The following SHOC1 variants were observed in gnomAD, a reference collection of about 807,000 sequenced individuals.
SHOC1 encodes protein shortage in chiasmata 1 ortholog.
Under a neutral mutation model 179.2 loss-of-function variants are expected in SHOC1, and 136 were observed. The ratio of observed to expected loss-of-function variants is 0.76; its 90% CI spans 0.66 to 0.87. The LOEUF is 0.87. SHOC1 is among the 40% of genes least tolerant of loss of function. The probability of loss-of-function intolerance (pLI) is 0.00; values close to 1 mark genes in which losing one functional copy is unlikely to be tolerated. For missense variants in SHOC1, 1,538 were observed against 1,700.8 expected, an observed-to-expected ratio of 0.90 and a Z score of 1.68; for synonymous variants, 489 against 586.6, an observed-to-expected ratio of 0.83 and a Z score of 2.41.
intron 3 of SHOC1, among the ~76,000 whole-genome samples, chr9:111,785,637 TAAAAC>T (rs1203822988): frequency 6.6e-6 from 1 of 152,228 alleles, no homozygotes; most frequent in Non-Finnish European, 1.5e-5. Context: ...TCTATTATAA[TAAAAC>T]AAATGTTTAC....
intron 10 of SHOC1, 59 bp downstream of exon 10, chr9:111,746,175 T>A: frequency 8.5e-7 from 1 of 1,179,204 alleles, no homozygotes; most frequent in Non-Finnish European, 1.2e-6. Context: ...TGGAGAGATT[T>A]AAATAAAGAC....
Position 111,738,389 on chromosome 9 carries a change from T to G in SHOC1, c.1308A>C (p.Lys436Asn), listed in dbSNP as rs536755031. 7.4e-6 allele frequency: 12 copies of G among 1,613,442 alleles called. No individual in the cohort carries two copies. In the South Asian group the frequency reaches 1.3e-4, roughly 18 times the overall value. The part of the protein sequence containing the change: ...EWWKQAGLNL[K>N]MMETLEHLNT... ...TCAGATGTTCCAATGTTTCCATCAT[T>G]TTCAGATTTAGTCCTGCTTGTTTCC... The change falls in exon 12 of 28, where the codon AAA (lysine) becomes AAC (asparagine). Residue 436 changes from lysine to asparagine, a missense_variant. By Grantham distance (94) the Lys-to-Asn change is moderately conservative. Coordinates refer to ENST00000682961, the MANE Select transcript of SHOC1 (RefSeq NM_001378211.1).
intron 5 of SHOC1, among the ~76,000 whole-genome samples, chr9:111,763,884 G>A (rs1835245841): frequency 6.6e-6 from 1 of 152,016 alleles, no homozygotes; most frequent in African/African-American, 2.4e-5. Context: ...GAGAGTTTCA[G>A]GATCAAGTTC....
In SHOC1 at chr9:111,706,720, T is replaced by C. The variant is rs144499116; in HGVS notation, c.2585A>G (p.Asn862Ser). 3.0e-4 allele frequency: 479 copies of C among 1,604,598 alleles called. No homozygotes were observed. The highest frequency in any genetic ancestry group is 3.9e-4 in the Non-Finnish European group (455 of 1,175,574). Residue 862 changes from asparagine (N) to serine (S), a missense_variant, in exon 20 of 28, where the codon AAT (asparagine) becomes AGT (serine). Coordinates refer to ENST00000682961, the MANE Select transcript of SHOC1 (RefSeq NM_001378211.1). ...RGTSSCVVVH[N>S]QYIGADFPWS... ...GGGGAAATCTGCTCCAATATATTGATTATGTACAACTACACAGGAACTTGT... is the reference window on the plus strand; with the variant it reads ...GGGGAAATCTGCTCCAATATATTGACTATGTACAACTACACAGGAACTTGT...
rs368101620 is a variant in SHOC1, at chr9:111,705,239, T to C, written c.2855+8A>G. 7.1e-7 allele frequency: 1 copy of C among 1,406,434 alleles called. No homozygotes were observed. Among genetic ancestry groups the C allele is most frequent in the Non-Finnish European group, 9.8e-7 (1 of 1,020,718 alleles). The allele number at this position is 1,406,434 out of a possible 1,614,324, so 87.1% of individuals were successfully genotyped here. On this transcript the variant is annotated splice_region_variant and intron_variant, in intron 21 of 27. Coordinates refer to ENST00000682961, the MANE Select transcript of SHOC1 (RefSeq NM_001378211.1). Reference sequence around the variant, plus strand: ...ACTTTTGTTAAAATTGTGAAATCAATAACTTACTTGGATTCTAGCAGCTGA... The same window carrying C: ...ACTTTTGTTAAAATTGTGAAATCAACAACTTACTTGGATTCTAGCAGCTGA...
At chr9:111,787,649 C>T (rs769621842) in intron 2 of SHOC1, among the ~76,000 whole-genome samples, 8 of 152,204 alleles carry the variant, frequency 5.3e-5, no homozygotes, top group Non-Finnish European at 8.8e-5. Flanking sequence ...GGTGAAGACA[C>T]TGTAAACATT....
intron 3 of SHOC1, among the ~76,000 whole-genome samples, chr9:111,785,275 A>G (rs73545413): frequency 0.035 from 5,262 of 152,248 alleles, 318 homozygotes; most frequent in African/African-American, 0.12. Context: ...GCAATTTCAT[A>G]TCACTTAGCA....
chr9:111,728,591 A>C (rs1833418144), intron 12 of SHOC1, among the ~76,000 whole-genome samples: 1 of 152,236 alleles, frequency 6.6e-6, no homozygotes, highest in South Asian at 2.1e-4. Context: ...AAAAGGCCAC[A>C]TATTGTATGA....
At chr9:111,695,404 T>C (rs1307296787) in intron 24 of SHOC1, among the ~76,000 whole-genome samples, 1 of 152,142 alleles carries the variant, frequency 6.6e-6, no homozygotes, top group African/African-American at 2.4e-5. Context: ...TACACAGAAA[T>C]ATATTGTTCA....
chr9:111,701,635 A>G (rs1831974381), intron 23 of SHOC1, among the ~76,000 whole-genome samples: 1 of 152,152 alleles, frequency 6.6e-6, no homozygotes. Context: ...ATTCTTCAAA[A>G]TGAAGGTTTT....
intron 5 of SHOC1, among the ~76,000 whole-genome samples, chr9:111,773,249 C>T (rs1268399259): frequency 3.3e-5 from 5 of 152,246 alleles, no homozygotes; most frequent in Admixed American, 2.6e-4. Context: ...TTATTGTAAA[C>T]TTTAACAAAC....
At chr9:111,785,579 C>A (rs952913134) in intron 3 of SHOC1, among the ~76,000 whole-genome samples, 1 of 152,128 alleles carries the variant, frequency 6.6e-6, no homozygotes, top group African/African-American at 2.4e-5. Flanking sequence ...ATTTTATATT[C>A]GGTGTGCCAT....
At chr9:111,747,801 T>C (rs1589437117) in intron 9 of SHOC1, among the ~76,000 whole-genome samples, 1 of 152,134 alleles carries the variant, frequency 6.6e-6, no homozygotes, top group Non-Finnish European at 1.5e-5. Context: ...ACCAGGCTGG[T>C]CTTGAACTCT....
At chr9:111,708,939 A>G (rs1168776793) in intron 18 of SHOC1, among the ~76,000 whole-genome samples, 1 of 152,268 alleles carries the variant, frequency 6.6e-6, no homozygotes, top group African/African-American at 2.4e-5. Flanking sequence ...TAATGAGAGT[A>G]ATGGTCAATA....
intron 1 of SHOC1, among the ~76,000 whole-genome samples, chr9:111,791,827 GTGGTCTTGAGAATAACCATA>G (rs1564174293): frequency 7.1e-6 from 1 of 140,818 alleles, no homozygotes; most frequent in African/African-American, 2.6e-5. Context: ...TATTTCTCAA[GTGGTCTTGAGAATAACCATA>G]TTTCTCAAGT....
At chr9:111,728,675 G>A (rs1402173899) in intron 12 of SHOC1, among the ~76,000 whole-genome samples, 1 of 152,180 alleles carries the variant, frequency 6.6e-6, no homozygotes, top group Non-Finnish European at 1.5e-5. Flanking sequence ...TGAGTAAAAT[G>A]GGGAGTGACC....
At chr9:111,748,337 G>A (rs537996119) in intron 8 of SHOC1, 138 bp from the exon 9 acceptor site, 34 of 609,370 alleles carry the variant, frequency 5.6e-5, no homozygotes, top group Admixed American at 2.9e-4. Context: ...GAGAAGTAGA[G>A]ATTTATACTT....
chr9:111,707,791 A>G, intron 19 of SHOC1, 64 bp downstream of exon 19: 1 of 1,046,978 alleles, frequency 9.6e-7, no homozygotes, highest in Non-Finnish European at 1.4e-6. Context: ...ACTTCTAGGA[A>G]GATTTTGCTT....
intron 21 of SHOC1, among the ~76,000 whole-genome samples, chr9:111,704,514 C>T (rs982354586): frequency 6.6e-6 from 1 of 152,120 alleles, no homozygotes; most frequent in African/African-American, 2.4e-5. Flanking sequence ...TCCTAAGTGG[C>T]TGGTACTACA....
Sources: gnomAD v4.1 joint callset for allele counts (sites outside exome capture counted in the v4.1 genomes callset) on GRCh38, gnomAD v4.1.1 for gene constraint, MANE v1.5 for transcripts, NCBI Gene and HGNC (gene_info 2026-07-23, HGNC 2026-07-21) for gene names.